ABR: variants seen among roughly 807,000 people sequenced by gnomAD.
ABR encodes the protein active breakpoint cluster region-related protein.
Under a neutral mutation model 107.2 loss-of-function variants are expected in ABR, and 35 were observed. The observed-to-expected ratio is 0.33, with a 90% CI of 0.25 to 0.43. The LOEUF is 0.43. ABR is among the 20% of genes least tolerant of loss of function. ABR has a pLI of 1.00. For synonymous variants in ABR, 498 were observed against 462.0 expected (o/e 1.08, Z -1.00); for missense variants, 815 against 1,115.2 (o/e 0.73, Z 3.83).
chr17:1,018,081 C>T lies in ABR; in HGVS notation c.1792-4917G>A, dbSNP rs189577980. Reference sequence around the variant, plus strand: ...TTTTTGAGACGGAGTCTTGCTCTGTCGCCCAGGCTGGAGTGCTGTGGCGCG... The same window carrying T: ...TTTTTGAGACGGAGTCTTGCTCTGTTGCCCAGGCTGGAGTGCTGTGGCGCG... On this transcript the variant is annotated intron_variant, in intron 16 of 22. Coordinates refer to ENST00000302538, the MANE Select transcript of ABR (RefSeq NM_021962.5). Among the ~76,000 whole-genome samples, 379 of 150,050 alleles carry T rather than the reference C, an allele frequency of 2.5e-3. 7 individuals carry two copies. The highest frequency in any genetic ancestry group is 8.6e-3 in the African/African-American group (348 of 40,404).
chr17:1,041,637 A>ACAGGAGAAT (rs1350805324), intron 16 of ABR, among the ~76,000 whole-genome samples: 2 of 152,150 alleles, frequency 1.3e-5, no homozygotes, highest in African/African-American at 4.8e-5. Flanking sequence ...GGAGACTGAG[A>ACAGGAGAAT]CAGGAGAATC....
At chr17:1,018,283 T>C (rs9904426) in intron 16 of ABR, among the ~76,000 whole-genome samples, 5,287 of 149,124 alleles carry the variant, frequency 0.035, 230 homozygotes, top group African/African-American at 0.1. Flanking sequence ...ACCTCGTGAT[T>C]CGCCCACCTC....
At chr17:1,163,499 A>G (rs1455735412) in intron 1 of ABR, among the ~76,000 whole-genome samples, 1 of 151,208 alleles carries the variant, frequency 6.6e-6, no homozygotes, top group African/African-American at 2.4e-5. Context: ...GGCCCCAGAT[A>G]AACTGCAAGA....
chr17:1,056,147 A>T (rs2033244644), intron 13 of ABR, 38 bp from the exon 14 acceptor site: 1 of 1,588,742 alleles, frequency 6.3e-7, no homozygotes, highest in Admixed American at 1.7e-5. Flanking sequence ...GAGGGTGGTC[A>T]GCGGATCCCC....
At chr17:1,017,390 G>T (rs1051694470) in intron 16 of ABR, among the ~76,000 whole-genome samples, 6 of 151,992 alleles carry the variant, frequency 3.9e-5, no homozygotes, top group African/African-American at 1.5e-4. Flanking sequence ...AGCCACACAG[G>T]GTGGAGGAAT....
chr17:1,012,368 G>T (rs188827793), intron 18 of ABR: 2 of 652,492 alleles, frequency 3.1e-6, no homozygotes, highest in Non-Finnish European at 5.7e-6. Flanking sequence ...GCCCTTTCCC[G>T]AGGGGCCGCC....
intron 1 of ABR, among the ~76,000 whole-genome samples, chr17:1,185,836 CT>C (rs887086349): frequency 3.3e-5 from 5 of 151,406 alleles, no homozygotes; most frequent in Non-Finnish European, 7.4e-5. Context: ...ATTTACTATT[CT>C]TTTTTTTCTT....
At chr17:1,126,937 C>T (rs535546598) in intron 1 of ABR, among the ~76,000 whole-genome samples, 10 of 152,352 alleles carry the variant, frequency 6.6e-5, no homozygotes, top group Non-Finnish European at 8.8e-5. Context: ...CAAGTCCCAG[C>T]CAGCCAAGTT....
rs1030289484 is a variant in ABR, at chr17:1,004,691, C to T, written c.*1389G>A. Reference sequence around the variant, plus strand: ...CGGGTCCCTGCTCCCTGGCGGGTGCCTACAGCACCAACAAGGAGGCCCCAG... The same window carrying T: ...CGGGTCCCTGCTCCCTGGCGGGTGCTTACAGCACCAACAAGGAGGCCCCAG... On this transcript the variant is annotated 3_prime_UTR_variant, in exon 23 of 23. Transcript: ENST00000302538. The T allele has an allele frequency of 1.3e-5, 3 of 225,638 alleles. No homozygotes were observed. In the East Asian group the frequency reaches 2.5e-4, roughly 19 times the overall value. 14.0% of individuals were successfully genotyped at this position (225,638 alleles called of 1,614,324 possible). A position where few individuals can be genotyped will look rare whatever the true frequency, so the allele number is the denominator to read the frequency against.
intron 1 of ABR, among the ~76,000 whole-genome samples, chr17:1,217,748 G>A (rs2043041507): frequency 6.6e-6 from 1 of 152,164 alleles, no homozygotes. Flanking sequence ...AGGCTGGAGT[G>A]CAGTGGTGCA....
intron 2 of ABR, among the ~76,000 whole-genome samples, chr17:1,113,069 T>C (rs1026278663): frequency 7.0e-6 from 1 of 143,118 alleles, no homozygotes; most frequent in Non-Finnish European, 1.5e-5. Context: ...CACCAGGCAG[T>C]GTGCTAGCAT....
intron 6 of ABR, among the ~76,000 whole-genome samples, chr17:1,074,946 CA>C (rs981136975): frequency 2.0e-5 from 3 of 150,464 alleles, no homozygotes; most frequent in Admixed American, 6.6e-5. Context: ...AACTCCATCT[CA>C]AAAAAAAAGA....
chr17:1,225,991 C>T (rs1462334695), intron 1 of ABR, among the ~76,000 whole-genome samples: 1 of 152,154 alleles, frequency 6.6e-6, no homozygotes, highest in East Asian at 1.9e-4. Context: ...TACACATACG[C>T]GTCCGCATAG....
chr17:1,155,697 G>A (rs1436037745), intron 1 of ABR, among the ~76,000 whole-genome samples: 1 of 152,170 alleles, frequency 6.6e-6, no homozygotes, highest in Non-Finnish European at 1.5e-5. Flanking sequence ...CGGCCGCAGT[G>A]GCTCACACCT....
At chr17:1,221,281 A>T (rs1425677929) in intron 1 of ABR, among the ~76,000 whole-genome samples, 1 of 152,182 alleles carries the variant, frequency 6.6e-6, no homozygotes, top group East Asian at 1.9e-4. Flanking sequence ...CTGTCAAGAG[A>T]GGTTCCCAGG....
intron 1 of ABR, among the ~76,000 whole-genome samples, chr17:1,227,381 C>G (rs2043241889): frequency 6.6e-6 from 1 of 152,128 alleles, no homozygotes; most frequent in South Asian, 2.1e-4. Context: ...GCATTTGGAA[C>G]TTGGCACTAG....
At chr17:1,042,380 C>T (rs556482528) in intron 16 of ABR, among the ~76,000 whole-genome samples, 19 of 151,956 alleles carry the variant, frequency 1.3e-4, no homozygotes, top group African/African-American at 2.2e-4. Flanking sequence ...GATAAACAGA[C>T]GTGGCACCTA....
intron 2 of ABR, chr17:1,101,211 G>T (rs11655436): frequency 0.085 from 13,539 of 158,802 alleles, 750 homozygotes; most frequent in Middle Eastern, 0.17. Flanking sequence ...CTGACCTCAG[G>T]TGATCCGTCC....
At chr17:1,113,219 G>C (rs912935650) in intron 2 of ABR, among the ~76,000 whole-genome samples, 7 of 147,732 alleles carry the variant, frequency 4.7e-5, no homozygotes, top group Non-Finnish European at 8.9e-5. Flanking sequence ...AGCAGTGTCA[G>C]AACTCTGCAG....
Sources: gnomAD v4.1 joint callset for allele counts (sites outside exome capture counted in the v4.1 genomes callset) on GRCh38, gnomAD v4.1.1 for gene constraint, MANE v1.5 for transcripts, NCBI Gene and HGNC (gene_info 2026-07-23, HGNC 2026-07-21) for gene names.